ARFGEF1: variants seen among roughly 807,000 people sequenced by gnomAD.
ARFGEF1 encodes brefeldin A-inhibited guanine nucleotide-exchange protein 1.
A neutral mutation model predicts 231.0 loss-of-function variants in ARFGEF1; 42 were observed. That is an observed-to-expected ratio of 0.18 (90% CI 0.14 to 0.24). The LOEUF is 0.24. Ranked by LOEUF, ARFGEF1 falls within the 10% of genes least tolerant of loss-of-function variation. ARFGEF1 has a pLI of 1.00. For missense variants in ARFGEF1, 1,345 were observed against 2,192.0 expected, an observed-to-expected ratio of 0.61 and a Z score of 7.72; for synonymous variants, 710 against 732.3, an observed-to-expected ratio of 0.97 and a Z score of 0.49.
intron 9 of ARFGEF1, 61 bp downstream of exon 9, chr8:67,275,915 T>C: frequency 2.5e-6 from 4 of 1,595,452 alleles, no homozygotes; most frequent in Non-Finnish European, 3.4e-6. Context: ...AAACATTACC[T>C]TAACAGTAAG....
downstream of ARFGEF1, chr8:67,193,640 G>C (rs755934048): frequency 3.2e-6 from 5 of 1,569,610 alleles, no homozygotes; most frequent in South Asian, 4.5e-5. Context: ...GTAGAATCCT[G>C]TATGAACTTT....
intron 5 of ARFGEF1, among the ~76,000 whole-genome samples, chr8:67,187,112 A>T (rs1834887652): frequency 6.6e-6 from 1 of 152,160 alleles, no homozygotes; most frequent in Admixed American, 6.5e-5. Context: ...CATGCACAGG[A>T]TGACTCAGTA....
chr8:67,193,141 GAT>G (rs1198860806), downstream of ARFGEF1, among the ~76,000 whole-genome samples: 1 of 151,838 alleles, frequency 6.6e-6, no homozygotes, highest in Non-Finnish European at 1.5e-5. Context: ...TTTTTTTTGA[GAT>G]AGAGTCTCTG....
intron 21 of ARFGEF1, 27 bp from the exon 22 acceptor site, chr8:67,238,520 T>TA: frequency 6.3e-7 from 1 of 1,583,062 alleles, no homozygotes. Context: ...AAAAAAATGT[T>TA]AAATTCCATG....
chr8:67,334,602 C>T (rs749018095), intron 1 of ARFGEF1, among the ~76,000 whole-genome samples: 2 of 152,184 alleles, frequency 1.3e-5, no homozygotes, highest in Non-Finnish European at 2.9e-5. Flanking sequence ...TAACAGTTTA[C>T]GTCCACACAA....
intron 5 of ARFGEF1, chr8:67,190,828 A>G: frequency 8.9e-7 from 1 of 1,124,620 alleles, no homozygotes; most frequent in Non-Finnish European, 1.4e-6. Context: ...GACCTGTGCT[A>G]AATCTGTGTG....
downstream of ARFGEF1, chr8:67,173,883 CTCAT>C (rs1421159102): frequency 6.6e-6 from 1 of 152,036 alleles, no homozygotes; most frequent in Non-Finnish European, 1.5e-5. Context: ...CTTTTTCATT[CTCAT>C]TCTCTCATGT....
In ARFGEF1 at chr8:67,200,479, G is replaced by A; in HGVS notation, c.5302C>T (p.Leu1768=). The change falls in exon 38 of 39, where the codon CTA becomes TTA. Residue 1768 remains leucine, a synonymous_variant. Coordinates refer to ENST00000262215, the MANE Select transcript of ARFGEF1 (RefSeq NM_006421.5). ...CSEALSYFLT[L]TSESHREAWT... is the part of the protein sequence containing the mutation. ...GCTTCTCGATGACTTTCTGATGTTAGAGTGAGGAAGTAACTTAGTGCTTCA... is the reference window on the plus strand; with the variant it reads ...GCTTCTCGATGACTTTCTGATGTTAAAGTGAGGAAGTAACTTAGTGCTTCA... 3.7e-6 allele frequency: 6 copies of A among 1,605,182 alleles called. No homozygotes were observed. The South Asian group carries it at 6.6e-5, about 18-fold the overall frequency.
intron 34 of ARFGEF1, 126 bp from the exon 35 acceptor site, chr8:67,204,945 T>C: frequency 8.6e-7 from 1 of 1,166,626 alleles, no homozygotes; most frequent in Non-Finnish European, 1.2e-6. Context: ...GAGAAGGACA[T>C]ACTGCTTTTG....
chr8:67,318,058 A>G (rs1445679921), intron 1 of ARFGEF1, among the ~76,000 whole-genome samples: 1 of 151,692 alleles, frequency 6.6e-6, no homozygotes, highest in East Asian at 1.9e-4. Flanking sequence ...TAACACGGTG[A>G]AACCCCATCT....
chr8:67,265,957 C>T lies in ARFGEF1; in HGVS notation c.2123+49G>A, dbSNP rs148981362. 8.0e-3 allele frequency: 12,702 copies of T among 1,578,760 alleles called. 63 individuals carry two copies. Among genetic ancestry groups the T allele is most frequent in the Non-Finnish European group, 9.9e-3 (11,411 of 1,151,040 alleles). On this transcript the variant is annotated intron_variant, in intron 14 of 38. Transcript: ENST00000262215. ...AACCCACGGCAGGGGTGGCACTATA[C>T]TGGCAGAGAGATATTCAATAACATT...
At chr8:67,292,230 C>T in intron 5 of ARFGEF1, 107 bp from the exon 6 acceptor site, 1 of 915,926 alleles carries the variant, frequency 1.1e-6, no homozygotes, top group Non-Finnish European at 1.6e-6. Flanking sequence ...TCTCTCTACG[C>T]TTGGAAATTA....
intron 34 of ARFGEF1, among the ~76,000 whole-genome samples, chr8:67,210,872 G>A (rs1838711032): frequency 6.6e-6 from 1 of 151,490 alleles, no homozygotes; most frequent in Non-Finnish European, 1.5e-5. Context: ...GGCCAACATG[G>A]TGAAACCCTG....
Position 67,203,157 on chromosome 8 carries a change from C to T in ARFGEF1, c.5054G>A (p.Cys1685Tyr). 1 of 1,614,208 alleles carries T rather than the reference C, an allele frequency of 6.2e-7. No homozygotes were observed. The highest frequency in any genetic ancestry group is 8.5e-7 in the Non-Finnish European group (1 of 1,180,030). ...TGCAAATCTATGTGACTCTAATAAG[C>T]AGTCCAGTAGCTTAAAAAGTTGTTG... ...TSQQLFKLLDCLLESHRFAKA... is the reference protein window; with the variant it reads ...TSQQLFKLLDYLLESHRFAKA... Residue 1685 changes from cysteine (C) to tyrosine (Y), a missense_variant, in exon 36 of 39, where the codon TGC becomes TAC. Around this residue, in one of 14 missense-constraint regions of ARFGEF1, gnomAD observed 161 missense variants for 284.9 expected, o/e 0.57. Coordinates refer to ENST00000262215, the MANE Select transcript of ARFGEF1 (RefSeq NM_006421.5).
chr8:67,296,743 T>C, intron 4 of ARFGEF1, 133 bp from the exon 5 acceptor site: 1 of 636,046 alleles, frequency 1.6e-6, no homozygotes, highest in Non-Finnish European at 2.6e-6. Flanking sequence ...CTTGAACTCC[T>C]GGACTTAAGT....
At chr8:67,251,991 T>C (rs566546993) in intron 18 of ARFGEF1, among the ~76,000 whole-genome samples, 12 of 152,232 alleles carry the variant, frequency 7.9e-5, no homozygotes, top group African/African-American at 2.4e-4. Context: ...GGCATCTGGC[T>C]GGGCGTGGTG....
At chr8:67,224,118 T>C (rs149233979) in intron 29 of ARFGEF1, among the ~76,000 whole-genome samples, 282 of 152,278 alleles carry the variant, frequency 1.9e-3, no homozygotes, top group African/African-American at 6.5e-3. Context: ...GTGCTACCTT[T>C]AGAAATTCAA....
chr8:67,285,558 T>C (rs1302975571), intron 7 of ARFGEF1, among the ~76,000 whole-genome samples: 1 of 152,064 alleles, frequency 6.6e-6, no homozygotes, highest in Non-Finnish European at 1.5e-5. Context: ...TAAATTTTCA[T>C]ATCATCTCCA....
chr8:67,191,212 T>C (rs1027605596), intron 5 of ARFGEF1, among the ~76,000 whole-genome samples: 1 of 152,240 alleles, frequency 6.6e-6, no homozygotes, highest in Non-Finnish European at 1.5e-5. Flanking sequence ...CTTTACAATA[T>C]AGCCAGTAAA....
Sources: gnomAD v4.1 joint callset for allele counts (sites outside exome capture counted in the v4.1 genomes callset) on GRCh38, gnomAD v4.1.1 for gene constraint, gnomAD v4.1.1 regional missense constraint, MANE v1.5 for transcripts, NCBI Gene and HGNC (gene_info 2026-07-23, HGNC 2026-07-21) for gene names.